The following BCAS3 variants were observed in gnomAD, a reference collection of about 807,000 sequenced individuals.
BCAS3 encodes BCAS4/BCAS3 fusion.
Under a neutral mutation model 116.1 loss-of-function variants are expected in BCAS3, and 53 were observed. The ratio of observed to expected loss-of-function variants is 0.46; its 90% CI spans 0.37 to 0.57. The LOEUF (loss-of-function observed/expected upper bound fraction) is 0.57, where lower values mean the gene tolerates loss of function less well. Ranked by LOEUF, BCAS3 falls within the 20% of genes least tolerant of loss-of-function variation. The pLI, the probability that BCAS3 is intolerant of heterozygous loss-of-function variation, is 0.00. For synonymous variants in BCAS3, 391 were observed against 408.2 expected, an observed-to-expected ratio of 0.96 and a Z score of 0.51; for missense variants, 917 against 1,165.4, an observed-to-expected ratio of 0.79 and a Z score of 3.10.
At chr17:61,112,828 T>G (rs964566466) in intron 22 of BCAS3, among the ~76,000 whole-genome samples, 2 of 151,676 alleles carry the variant, frequency 1.3e-5, no homozygotes, top group African/African-American at 4.8e-5. Flanking sequence ...ATTGACCACA[T>G]ACTTGGAAGT....
chr17:60,894,216 G>C (rs1034965736), intron 10 of BCAS3, among the ~76,000 whole-genome samples: 2 of 151,966 alleles, frequency 1.3e-5, no homozygotes, highest in Admixed American at 1.3e-4. Flanking sequence ...TCATGAGCTT[G>C]GGATGTTTTT....
At chr17:60,876,790 G>T (rs1022045878) in intron 9 of BCAS3, among the ~76,000 whole-genome samples, 1 of 151,954 alleles carries the variant, frequency 6.6e-6, no homozygotes, top group Non-Finnish European at 1.5e-5. Flanking sequence ...TCTGTTTGCC[G>T]CTAGACAGTA....
At chr17:61,169,093 A>G (rs1227815969) in intron 22 of BCAS3, among the ~76,000 whole-genome samples, 1 of 152,220 alleles carries the variant, frequency 6.6e-6, no homozygotes, top group African/African-American at 2.4e-5. Flanking sequence ...CCAATACATT[A>G]TTTAACATTA....
At chr17:60,852,665 A>G (rs1485410389) in intron 7 of BCAS3, among the ~76,000 whole-genome samples, 1 of 152,216 alleles carries the variant, frequency 6.6e-6, no homozygotes, top group Non-Finnish European at 1.5e-5. Flanking sequence ...AAACCTGACC[A>G]AAGAAGATAC....
At chr17:60,992,187 C>T (rs1335943971) in intron 15 of BCAS3, among the ~76,000 whole-genome samples, 2 of 137,964 alleles carry the variant, frequency 1.4e-5, no homozygotes, top group Non-Finnish European at 1.5e-5. Context: ...TATCCGATGA[C>T]TTACACACAC....
Position 60,910,565 on chromosome 17 carries a change from G to A in BCAS3, c.856G>A (p.Val286Met). 6.2e-7 allele frequency: 1 copy of A among 1,609,768 alleles called. No homozygotes were observed. The highest frequency in any genetic ancestry group is 1.1e-5 in the South Asian group (1 of 90,452). Residue 286 changes from valine to methionine, a missense_variant, in exon 12 of 24, where the codon GTG becomes ATG. Coordinates refer to ENST00000407086, the MANE Select transcript of BCAS3 (RefSeq NM_017679.5). Reference protein sequence around the residue: ...LKSGLTMVGKVVTQLTGTLPS... With the variant: ...LKSGLTMVGKMVTQLTGTLPS... ...AAGTGGCCTGACAATGGTAGGGAAA[G>A]TGGTGACTCAGCTGACAGGCACACT...
chr17:60,715,676 TG>T (rs1295303778), intron 5 of BCAS3, among the ~76,000 whole-genome samples: 1 of 151,276 alleles, frequency 6.6e-6, no homozygotes, highest in Non-Finnish European at 1.5e-5. Flanking sequence ...TTAGTAGAGA[TG>T]GGGTTTCACC....
chr17:60,990,074 G>C lies in BCAS3; in HGVS notation c.1325G>C (p.Cys442Ser), dbSNP rs1399741724. 3 of 1,614,156 alleles carry C rather than the reference G, an allele frequency of 1.9e-6. No homozygotes were observed. Among genetic ancestry groups the C allele is most frequent in the Non-Finnish European group, 2.5e-6 (3 of 1,180,046 alleles). Residue 442 changes from cysteine to serine, a missense_variant, in exon 15 of 24, where the codon TGT (cysteine) becomes TCT (serine). Around this residue, in one of 3 missense-constraint regions of BCAS3, gnomAD observed 807 missense variants for 1,026.0 expected, o/e 0.79. Transcript: ENST00000407086. The surrounding 1 kb of genome is among the most constrained non-coding windows in gnomAD (Gnocchi z 5.1). ...FPINPYGGQP[C>S]VRTHMSPRVV... Reference sequence around the variant, plus strand: ...ATCAACCCTTATGGTGGCCAGCCTTGTGTTCGTACACATATGTCACCACGA... The same window carrying C: ...ATCAACCCTTATGGTGGCCAGCCTTCTGTTCGTACACATATGTCACCACGA...
Position 61,098,132 on chromosome 17 carries a change from A to G in BCAS3, c.2425+13568A>G, listed in dbSNP as rs545246605. ...GCTGTCTCTGTTATCATGGATATAA[A>G]TGGTGCTGGAGGGTCCTTCTTGCAT... is the stretch of plus-strand genomic sequence containing the variant. On this transcript the variant is annotated intron_variant, in intron 22 of 23. Coordinates refer to ENST00000407086, the MANE Select transcript of BCAS3 (RefSeq NM_017679.5). The surrounding 1 kb of genome is among the most constrained non-coding windows in gnomAD (Gnocchi z 4.2). Among the ~76,000 whole-genome samples, 33 of 152,204 alleles carry G rather than the reference A, an allele frequency of 2.2e-4. No individual in the cohort carries two copies. Among genetic ancestry groups the G allele is most frequent in the Non-Finnish European group, 3.4e-4 (23 of 68,034 alleles).
chr17:61,337,089 G>C lies in BCAS3; in HGVS notation c.2426-31238G>C, dbSNP rs1456547373. On this transcript the variant is annotated intron_variant, in intron 22 of 23. Transcript: ENST00000407086. The surrounding 1 kb of genome is among the most constrained non-coding windows in gnomAD (Gnocchi z 4.8). ...GATTGCCTCATTGCACTCCAGCCTG[G>C]GTGACAGAGCAAGACTCCATCTCAA... Among the ~76,000 whole-genome samples, 2 of 151,596 alleles carry C rather than the reference G, an allele frequency of 1.3e-5. No individual in the cohort carries two copies. Among genetic ancestry groups the C allele is most frequent in the African/African-American group, 4.9e-5 (2 of 41,158 alleles).
At position 61,303,577 on chromosome 17, in the gene BCAS3, C is replaced by T. The variant is rs557725884; in HGVS notation, c.2426-64750C>T. Among the ~76,000 whole-genome samples the T allele has an allele frequency of 4.6e-5, 7 of 152,266 alleles. No individual in the cohort carries two copies. The South Asian group carries it at 1.5e-3, about 32-fold the overall frequency. On this transcript the variant is annotated intron_variant, in intron 22 of 23. Coordinates refer to ENST00000407086, the MANE Select transcript of BCAS3 (RefSeq NM_017679.5). ...TCCTGCTGTCATTTCTCATTACTGC[C>T]CTTGACTTCTTTCTAGAAGAGTGGG... is the stretch of plus-strand genomic sequence containing the variant.
At chr17:60,706,038 C>G (rs751090002) in intron 4 of BCAS3, among the ~76,000 whole-genome samples, 6 of 152,070 alleles carry the variant, frequency 3.9e-5, no homozygotes, top group Non-Finnish European at 8.8e-5. Flanking sequence ...TCTTCCTCAG[C>G]CTACTCACTG....
At chr17:61,207,559 T>A (rs1017322282) in intron 22 of BCAS3, among the ~76,000 whole-genome samples, 1 of 152,028 alleles carries the variant, frequency 6.6e-6, no homozygotes, top group African/African-American at 2.4e-5. Flanking sequence ...TCTGTGAAGG[T>A]ATTATCATCT....
At position 61,051,872 on chromosome 17, in the gene BCAS3, A is replaced by T. The variant is rs1181391398; in HGVS notation, c.2029+10980A>T. ...AATGTTTATATTATAAAGGGAAAAG[A>T]TCTGAAATCAATGACCTCAGCTTCC... is the stretch of plus-strand genomic sequence containing the variant. On this transcript the variant is annotated intron_variant, in intron 19 of 23. Transcript: ENST00000407086. The surrounding 1 kb of genome is among the most constrained non-coding windows in gnomAD (Gnocchi z 4.1). Among the ~76,000 whole-genome samples, 1 of 152,240 alleles carries T rather than the reference A, an allele frequency of 6.6e-6. No individual in the cohort carries two copies.
At chr17:60,797,507 C>G (rs2047321654) in intron 6 of BCAS3, among the ~76,000 whole-genome samples, 1 of 151,968 alleles carries the variant, frequency 6.6e-6, no homozygotes, top group Non-Finnish European at 1.5e-5. Flanking sequence ...TAGCACCACA[C>G]CTGACTACAT....
chr17:60,799,708 CTTTTTTTT>C (rs67510415), intron 6 of BCAS3, among the ~76,000 whole-genome samples: 5 of 49,840 alleles, frequency 1.0e-4, no homozygotes, highest in Non-Finnish European at 1.4e-4. Flanking sequence ...TTTTTCTTTT[CTTTTTTTT>C]TTTTTTTTTT....
At chr17:60,896,912 C>A (rs982000846) in intron 10 of BCAS3, among the ~76,000 whole-genome samples, 6 of 151,850 alleles carry the variant, frequency 4.0e-5, no homozygotes, top group African/African-American at 7.3e-5. Context: ...CATTCTTTTT[C>A]TCTTATTGTT....
In BCAS3 at chr17:60,727,624, A is replaced by G; in HGVS notation, c.321+18299A>G. The G allele has an allele frequency of 3.6e-6, 2 of 554,206 alleles. 1 individual carries two copies. Among genetic ancestry groups the G allele is most frequent in the South Asian group, 5.6e-5 (2 of 36,022 alleles). The allele number at this position is 554,206 out of a possible 1,614,324, so 34.3% of individuals were successfully genotyped here. A position where few individuals can be genotyped will look rare whatever the true frequency, so the allele number is the denominator to read the frequency against. On this transcript the variant is annotated intron_variant, in intron 5 of 23. Transcript: ENST00000407086. Reference sequence around the variant, plus strand: ...CAGTTTTAGGTTCACGGCAAAACTGAGTAGAAAGTATACGGAGGTCCCGTA... The same window carrying G: ...CAGTTTTAGGTTCACGGCAAAACTGGGTAGAAAGTATACGGAGGTCCCGTA...
intron 22 of BCAS3, among the ~76,000 whole-genome samples, chr17:61,238,368 G>A (rs1273021818): frequency 2.0e-5 from 3 of 151,716 alleles, no homozygotes; most frequent in African/African-American, 4.8e-5. Flanking sequence ...GATTACAGGC[G>A]CCTGCCACCA....
Sources: gnomAD v4.1 joint callset for allele counts (sites outside exome capture counted in the v4.1 genomes callset) on GRCh38, gnomAD v4.1.1 for gene constraint, gnomAD v4.1.1 regional missense constraint, Gnocchi (gnomAD v3.1) non-coding constraint, MANE v1.5 for transcripts, NCBI Gene and HGNC (gene_info 2026-07-23, HGNC 2026-07-21) for gene names.